The following XKR6 variants were observed in gnomAD, a reference collection of about 807,000 sequenced individuals.
XKR6 encodes the protein XK related 6, also known as XK-related protein 6.
A neutral mutation model predicts 56.7 loss-of-function variants in XKR6; 22 were observed. That is an observed-to-expected ratio of 0.39 (90% CI 0.28 to 0.55). XKR6 has a LOEUF of 0.55. Among genes scored for constraint, XKR6 ranks in the 20% least tolerant of loss-of-function variants. XKR6 has a pLI of 0.66. For missense variants in XKR6, 852 were observed against 889.0 expected, an observed-to-expected ratio of 0.96 and a Z score of 0.53; for synonymous variants, 524 against 387.8, an observed-to-expected ratio of 1.35 and a Z score of -4.13.
intron 1 of XKR6, among the ~76,000 whole-genome samples, chr8:11,101,557 T>C (rs930469253): frequency 2.0e-5 from 3 of 152,240 alleles, no homozygotes; most frequent in African/African-American, 7.2e-5. Flanking sequence ...AGGAAATTTT[T>C]ACTAACCACC....
chr8:11,082,154 C>T (rs1797744154), intron 1 of XKR6, among the ~76,000 whole-genome samples: 1 of 152,204 alleles, frequency 6.6e-6, no homozygotes, highest in South Asian at 2.1e-4. Flanking sequence ...AGAGGAAATT[C>T]AAGGAGCCAA....
intron 1 of XKR6, among the ~76,000 whole-genome samples, chr8:11,186,386 G>C (rs536113950): frequency 1.3e-5 from 2 of 152,206 alleles, no homozygotes; most frequent in Non-Finnish European, 2.9e-5. Flanking sequence ...TTCAAACCAG[G>C]GCTTTGAGAG....
chr8:11,187,563 G>C (rs1050918515), intron 1 of XKR6, among the ~76,000 whole-genome samples: 1 of 152,106 alleles, frequency 6.6e-6, no homozygotes, highest in African/African-American at 2.4e-5. Context: ...TTAACGTTTT[G>C]AAGCTATTGA....
At chr8:11,111,231 C>A (rs1195282642) in intron 1 of XKR6, among the ~76,000 whole-genome samples, 1 of 152,104 alleles carries the variant, frequency 6.6e-6, no homozygotes, top group Non-Finnish European at 1.5e-5. Context: ...TCCATTCACA[C>A]TGTCTACCCT....
intron 1 of XKR6, chr8:11,066,808 T>G (rs1234236447): frequency 6.6e-6 from 1 of 152,008 alleles, no homozygotes; most frequent in Non-Finnish European, 1.5e-5. Context: ...GACCTTACTC[T>G]CCCCACCTGC....
chr8:10,953,732 G>A (rs553474169), intron 1 of XKR6, among the ~76,000 whole-genome samples: 10 of 152,284 alleles, frequency 6.6e-5, no homozygotes, highest in African/African-American at 2.4e-4. Flanking sequence ...CTTCCACAGA[G>A]TTGTGCAACC....
chr8:11,173,739 G>C (rs1265716193), intron 1 of XKR6, among the ~76,000 whole-genome samples: 1 of 152,118 alleles, frequency 6.6e-6, no homozygotes, highest in Non-Finnish European at 1.5e-5. Flanking sequence ...TCCTGTTTAA[G>C]GGTTTTCTTC....
chr8:11,095,906 T>C (rs1343206078), intron 1 of XKR6, among the ~76,000 whole-genome samples: 1 of 152,210 alleles, frequency 6.6e-6, no homozygotes, highest in East Asian at 1.9e-4. Context: ...TCCAATTAAG[T>C]CTATGATTAA....
chr8:11,134,939 T>C (rs1800305127), intron 1 of XKR6, among the ~76,000 whole-genome samples: 1 of 152,140 alleles, frequency 6.6e-6, no homozygotes, highest in Non-Finnish European at 1.5e-5. Flanking sequence ...ATATTTCCAT[T>C]ATACTCTGCT....
intron 1 of XKR6, among the ~76,000 whole-genome samples, chr8:11,186,003 C>T (rs767311853): frequency 1.4e-4 from 22 of 152,208 alleles, no homozygotes; most frequent in Admixed American, 8.5e-4. Context: ...TTATATTTTT[C>T]GAGGGGACTG....
intron 1 of XKR6, among the ~76,000 whole-genome samples, chr8:10,953,672 T>C (rs1417108439): frequency 6.6e-6 from 1 of 152,202 alleles, no homozygotes; most frequent in African/African-American, 2.4e-5. Context: ...ATCTAGATAA[T>C]AGCTGTATTT....
chr8:11,140,371 C>T (rs1800630543), intron 1 of XKR6, among the ~76,000 whole-genome samples: 1 of 152,118 alleles, frequency 6.6e-6, no homozygotes, highest in South Asian at 2.1e-4. Flanking sequence ...TGGCTAACAC[C>T]AGATTAAGAA....
chr8:11,143,147 T>G (rs1490392050), intron 1 of XKR6, among the ~76,000 whole-genome samples: 2 of 152,038 alleles, frequency 1.3e-5, no homozygotes, highest in Non-Finnish European at 2.9e-5. Context: ...AATAAATTAA[T>G]AAATCTAGGC....
intron 1 of XKR6, among the ~76,000 whole-genome samples, chr8:11,040,308 G>A (rs938097977): frequency 6.7e-6 from 1 of 149,318 alleles, no homozygotes; most frequent in African/African-American, 2.5e-5. Context: ...GATTGCTTGA[G>A]CCCAGGAATT....
chr8:11,048,528 T>C (rs1287813765), intron 1 of XKR6, among the ~76,000 whole-genome samples: 1 of 152,140 alleles, frequency 6.6e-6, no homozygotes, highest in Non-Finnish European at 1.5e-5. Context: ...AAAATACAGG[T>C]TCCTGGGACC....
intron 1 of XKR6, among the ~76,000 whole-genome samples, chr8:11,033,628 C>A (rs545466955): frequency 6.6e-6 from 1 of 152,278 alleles, no homozygotes; most frequent in East Asian, 1.9e-4. Flanking sequence ...TGCCCCATAA[C>A]CTCTGCTTCC....
chr8:11,112,801 A>G (rs1299442352), intron 1 of XKR6, among the ~76,000 whole-genome samples: 1 of 152,224 alleles, frequency 6.6e-6, no homozygotes, highest in Non-Finnish European at 1.5e-5. Context: ...CCAGCTTGTG[A>G]GTAATTTTTT....
chr8:11,143,463 G>A (rs958313422), intron 1 of XKR6, among the ~76,000 whole-genome samples: 1 of 152,202 alleles, frequency 6.6e-6, no homozygotes, highest in Non-Finnish European at 1.5e-5. Flanking sequence ...GAGGACAGAG[G>A]AATATGTTGA....
chr8:11,033,131 T>C (rs1421826245), intron 1 of XKR6, among the ~76,000 whole-genome samples: 2 of 136,304 alleles, frequency 1.5e-5, no homozygotes, highest in African/African-American at 7.3e-5. Context: ...ACGATGGTAA[T>C]GATGATGATG....
Sources: allele counts gnomAD v4.1 joint callset (sites outside exome capture counted in the v4.1 genomes callset), GRCh38; gene constraint gnomAD v4.1.1; transcripts MANE v1.5; gene names NCBI Gene and HGNC (gene_info 2026-07-23, HGNC 2026-07-21).